Variants in CEP192 observed in about 807,000 individuals in gnomAD.
CEP192 encodes centrosomal protein of 192 kDa.
Under a neutral mutation model 271.8 loss-of-function variants are expected in CEP192, and 151 were observed. That is an observed-to-expected ratio of 0.56 (90% CI 0.49 to 0.64). CEP192 has a LOEUF of 0.64. Among genes scored for constraint, CEP192 ranks in the 30% least tolerant of loss-of-function variants. The probability of loss-of-function intolerance (pLI) is 0.00; values close to 1 mark genes in which losing one functional copy is unlikely to be tolerated. For synonymous variants in CEP192, 995 were observed against 1,076.5 expected, an observed-to-expected ratio of 0.92 and a Z score of 1.48; for missense variants, 2,910 against 3,020.5, an observed-to-expected ratio of 0.96 and a Z score of 0.86.
At chr18:13,043,546 A>C (rs2036319971) in intron 15 of CEP192, among the ~76,000 whole-genome samples, 1 of 152,068 alleles carries the variant, frequency 6.6e-6, no homozygotes, top group Admixed American at 6.6e-5. Flanking sequence ...TGGAAGAGTA[A>C]ATCCTCTTGT....
chr18:13,107,356 A>G (rs1337997592), intron 40 of CEP192, among the ~76,000 whole-genome samples: 2 of 152,212 alleles, frequency 1.3e-5, no homozygotes, highest in Non-Finnish European at 1.5e-5. Context: ...TAAAATAAAT[A>G]AGCAAATTCC....
At chr18:13,001,949 C>A (rs12607398) in intron 3 of CEP192, among the ~76,000 whole-genome samples, 48,814 of 152,086 alleles carry the variant, frequency 0.32, 8,083 homozygotes, top group Admixed American at 0.4. Context: ...TCAAGTGAAC[C>A]GCCCCACCCG....
intron 44 of CEP192, among the ~76,000 whole-genome samples, chr18:13,118,046 G>A (rs1022634797): frequency 3.3e-5 from 5 of 152,154 alleles, no homozygotes; most frequent in Non-Finnish European, 5.9e-5. Flanking sequence ...CGAGTTAATT[G>A]GGAAAACTTT....
At chr18:13,114,918 C>T (rs2040362973) in intron 42 of CEP192, among the ~76,000 whole-genome samples, 1 of 152,096 alleles carries the variant, frequency 6.6e-6, no homozygotes, top group African/African-American at 2.4e-5. Context: ...ATACCAGCCG[C>T]ATATATAGCT....
Position 13,017,174 on chromosome 18 carries a change from G to T in CEP192, c.641-14G>T, listed in dbSNP as rs756337331. The T allele has an allele frequency of 4.6e-6, 7 of 1,518,746 alleles. No homozygotes were observed. The highest frequency in any genetic ancestry group is 4.4e-5 in the Admixed American group (2 of 45,304). The allele number at this position is 1,518,746 out of a possible 1,614,324, so 94.1% of individuals were successfully genotyped here. Reference sequence around the variant, plus strand: ...TTTAAAGCATGTCCTGTTTTTTCTCGATTTTATCAATAGATGATGATATTG... The same window carrying T: ...TTTAAAGCATGTCCTGTTTTTTCTCTATTTTATCAATAGATGATGATATTG... On this transcript the variant is annotated splice_polypyrimidine_tract_variant and intron_variant, in intron 6 of 44. Transcript: ENST00000506447.
At chr18:12,999,246 A>G (rs2033454847) in intron 1 of CEP192, among the ~76,000 whole-genome samples, 175 bp from the exon 2 acceptor site, 1 of 152,230 alleles carries the variant, frequency 6.6e-6, no homozygotes, top group Non-Finnish European at 1.5e-5. Context: ...TCTATAAAGT[A>G]GCAAAGTATT....
chr18:13,010,904 A>G (rs1295955835), intron 4 of CEP192, among the ~76,000 whole-genome samples: 1 of 152,040 alleles, frequency 6.6e-6, no homozygotes, highest in African/African-American at 2.4e-5. Context: ...TATACCCAGT[A>G]TCATTAGACA....
chr18:13,006,736 C>G (rs1018747842), intron 3 of CEP192, among the ~76,000 whole-genome samples: 5 of 151,374 alleles, frequency 3.3e-5, no homozygotes, highest in Non-Finnish European at 5.9e-5. Context: ...GGCTTCCACA[C>G]AAGAGGGACG....
Position 13,069,724 on chromosome 18 carries a change from G to A in CEP192, c.5056-14G>A, listed in dbSNP as rs2037908835. The A allele has an allele frequency of 7.1e-7, 1 of 1,415,914 alleles. No homozygotes were observed. Among genetic ancestry groups the A allele is most frequent in the Non-Finnish European group, 9.9e-7 (1 of 1,008,776 alleles). 87.7% of individuals were successfully genotyped at this position (1,415,914 alleles called of 1,614,324 possible). On this transcript the variant is annotated splice_polypyrimidine_tract_variant and intron_variant, in intron 26 of 44. Transcript: ENST00000506447. ...TAAGTCGGCATTCAATTATGATTATGTAACTATATTTAGGTCCCAGAACAA... is the reference window on the plus strand; with the variant it reads ...TAAGTCGGCATTCAATTATGATTATATAACTATATTTAGGTCCCAGAACAA...
chr18:13,116,705 G>A (rs1282026766), intron 43 of CEP192, among the ~76,000 whole-genome samples: 1 of 152,130 alleles, frequency 6.6e-6, no homozygotes, highest in African/African-American at 2.4e-5. Context: ...CACCTCCCGG[G>A]TTCATGCCAT....
intron 20 of CEP192, 135 bp downstream of exon 20, chr18:13,057,868 C>T: frequency 1.4e-6 from 1 of 716,170 alleles, no homozygotes; most frequent in Non-Finnish European, 2.2e-6. Context: ...GTATCTTTCT[C>T]TCAGACCCCT....
At chr18:13,064,344 G>A (rs1258259728) in intron 21 of CEP192, among the ~76,000 whole-genome samples, 1 of 151,284 alleles carries the variant, frequency 6.6e-6, no homozygotes, top group East Asian at 2.0e-4. Flanking sequence ...CGGGCACGGT[G>A]GCTCATGCCT....
At chr18:13,088,097 A>G (rs1328643682) in intron 32 of CEP192, among the ~76,000 whole-genome samples, 1 of 152,216 alleles carries the variant, frequency 6.6e-6, no homozygotes, top group Non-Finnish European at 1.5e-5. Flanking sequence ...AATTTTCGAA[A>G]TGTGTAAGAT....
In CEP192 at chr18:13,040,932, C is replaced by A. The variant is rs192374521; in HGVS notation, c.1912C>A (p.His638Asn). Residue 638 changes from histidine to asparagine, a missense_variant, in exon 14 of 45, where the codon CAT (histidine) becomes AAT (asparagine). Physicochemically the swap from His to Asn is moderately conservative, Grantham distance 68. Coordinates refer to ENST00000506447, the MANE Select transcript of CEP192 (RefSeq NM_032142.4). ...AGGTAATTTGGAAAAAGAAATGGCT[C>A]ATCTTAACCATGATCTATATTCAGG... ...SRGNLEKEMA[H>N]LNHDLYSGDL... is the part of the protein sequence containing the mutation. 1 of 1,610,722 alleles carries A rather than the reference C, an allele frequency of 6.2e-7. No homozygotes were observed. Among genetic ancestry groups the A allele is most frequent in the African/African-American group, 1.3e-5 (1 of 74,768 alleles).
At chr18:13,092,863 A>T (rs572147678) in intron 34 of CEP192, among the ~76,000 whole-genome samples, 2 of 152,076 alleles carry the variant, frequency 1.3e-5, no homozygotes, top group South Asian at 2.1e-4. Context: ...TCCTAAAAAC[A>T]CTCTCCTACG....
At chr18:13,113,326 T>A (rs2040289515) in intron 40 of CEP192, among the ~76,000 whole-genome samples, 1 of 152,180 alleles carries the variant, frequency 6.6e-6, no homozygotes, top group South Asian at 2.1e-4. Flanking sequence ...CTGATAACAT[T>A]TCCCCCCACA....
intron 42 of CEP192, among the ~76,000 whole-genome samples, chr18:13,115,446 G>A (rs1180556582): frequency 6.6e-6 from 1 of 152,172 alleles, no homozygotes; most frequent in Non-Finnish European, 1.5e-5. Context: ...GGGGGGCAAG[G>A]CCAGAGCTGG....
chr18:13,098,654 G>C (rs368514425), intron 36 of CEP192, among the ~76,000 whole-genome samples: 1 of 151,534 alleles, frequency 6.6e-6, no homozygotes. Context: ...TCCCTTCCTA[G>C]ATGGAATGGC....
In CEP192 at chr18:13,029,702, G is replaced by T; in HGVS notation, c.1090G>T (p.Ala364Ser). ...AGATGTTCTGGTGAAGACCCTCAGGGCTATTGATGTGAAACTTAACTCTGA... is the reference window on the plus strand; with the variant it reads ...AGATGTTCTGGTGAAGACCCTCAGGTCTATTGATGTGAAACTTAACTCTGA... ...SKDVLVKTLRAIDVKLNSDNF... is the reference protein window; with the variant it reads ...SKDVLVKTLRSIDVKLNSDNF... Residue 364 changes from alanine (A) to serine (S), a missense_variant, in exon 10 of 45, where the codon GCT becomes TCT. Transcript: ENST00000506447. The T allele has an allele frequency of 2.6e-6, 4 of 1,550,106 alleles. No homozygotes were observed. The highest frequency in any genetic ancestry group is 2.6e-6 in the Non-Finnish European group (3 of 1,145,980).
Sources: gnomAD v4.1 joint callset for allele counts (sites outside exome capture counted in the v4.1 genomes callset) on GRCh38, gnomAD v4.1.1 for gene constraint, MANE v1.5 for transcripts, NCBI Gene and HGNC (gene_info 2026-07-23, HGNC 2026-07-21) for gene names.